Variants in MYT1 observed in about 807,000 individuals in gnomAD.
MYT1 encodes the protein myelin transcription factor I.
Under a neutral mutation model 123.0 loss-of-function variants are expected in MYT1, and 23 were observed. The ratio of observed to expected loss-of-function variants is 0.19; its 90% confidence interval spans 0.13 to 0.26. The LOEUF (loss-of-function observed/expected upper bound fraction) is 0.26, where lower values mean the gene tolerates loss of function less well. Among genes scored for constraint, MYT1 ranks in the 10% least tolerant of loss-of-function variants. The pLI is 1.00. For missense variants in MYT1, 1,125 were observed against 1,472.5 expected, an observed-to-expected ratio of 0.76 and a Z score of 3.86; for synonymous variants, 518 against 575.3, an observed-to-expected ratio of 0.90 and a Z score of 1.43.
chr20:64,215,146 A>G (rs1983798847), intron 10 of MYT1, among the ~76,000 whole-genome samples: 2 of 152,198 alleles, frequency 1.3e-5, no homozygotes, highest in South Asian at 4.1e-4. Context: ...TCAGTTGCTA[A>G]TTCAATCCTT....
At chr20:64,216,095 C>T (rs1983831745) in intron 10 of MYT1, among the ~76,000 whole-genome samples, 1 of 152,202 alleles carries the variant, frequency 6.6e-6, no homozygotes, top group Non-Finnish European at 1.5e-5. Flanking sequence ...GTCCTCTGTG[C>T]TGGGCTCTGT....
chr20:64,228,123 A>AATC, intron 18 of MYT1, 152 bp downstream of exon 18: 1 of 714,580 alleles, frequency 1.4e-6, no homozygotes. Flanking sequence ...TTTCATTTTT[A>AATC]TGGAAGCTCT....
Position 64,217,091 on chromosome 20 carries a change from C to G in MYT1, c.1656C>G (p.Leu552=). The stretch of plus-strand genomic sequence containing the variant: ...GGCCCATGTGCTTCGTGAAGCAGCT[C>G]GAGGTCCCTCCATATGGGAGCTACC... The part of the protein sequence containing the change: ...ILRPMCFVKQ[L]EVPPYGSYRP... The change falls in exon 11 of 23, where the codon CTC becomes CTG. Residue 552 remains leucine (L), a synonymous_variant. Transcript: ENST00000328439. 6.2e-7 allele frequency: 1 copy of G among 1,613,844 alleles called. No individual in the cohort carries two copies. Among genetic ancestry groups the G allele is most frequent in the Non-Finnish European group, 8.5e-7 (1 of 1,179,998 alleles).
chr20:64,200,018 C>A, intron 4 of MYT1, 96 bp downstream of exon 4: 2 of 1,437,268 alleles, frequency 1.4e-6, no homozygotes, highest in African/African-American at 2.8e-5. Context: ...TTGGATTGAC[C>A]AAACACCCCT....
In MYT1 at chr20:64,240,709, T is replaced by A; in HGVS notation, c.*261T>A. ...ATTTATTTTTGTTTTCTGAAAGAAA[T>A]CTGAAGAGCAGCTCAAAGTCTCCAG... On this transcript the variant is annotated 3_prime_UTR_variant, in exon 23 of 23. Transcript: ENST00000328439. The A allele has an allele frequency of 5.0e-6, 2 of 401,290 alleles. No homozygotes were observed. The highest frequency in any genetic ancestry group is 8.8e-6 in the Non-Finnish European group (2 of 226,076). 24.9% of individuals were successfully genotyped at this position (401,290 alleles called of 1,614,324 possible). A position where few individuals can be genotyped will look rare whatever the true frequency, so the allele number is the denominator to read the frequency against.
At chr20:64,221,337 G>A (rs944298463) in intron 13 of MYT1, among the ~76,000 whole-genome samples, 4 of 152,160 alleles carry the variant, frequency 2.6e-5, no homozygotes, top group Non-Finnish European at 4.4e-5. Context: ...CCACAGCTCT[G>A]AGCCTCCATA....
In MYT1 at chr20:64,202,515, G is replaced by A. The variant is rs900077076; in HGVS notation, c.87-2520G>A. ...ATCTCCAAGTTCAGAGAGAGAACAC[G>A]TCTGTAGCTCACCCTTCTTCTTCTG... On this transcript the variant is annotated intron_variant, in intron 4 of 22. Transcript: ENST00000328439. This position sits in a 1 kb window ranked among gnomAD's most constrained non-coding sequence, Gnocchi z 5.0. 3.3e-5 allele frequency among the ~76,000 whole-genome samples: 5 copies of A among 152,100 alleles called. No individual in the cohort carries two copies. Among genetic ancestry groups the A allele is most frequent in the Admixed American group, 6.5e-5 (1 of 15,276 alleles).
intron 3 of MYT1, among the ~76,000 whole-genome samples, chr20:64,199,444 A>T (rs1983223415): frequency 6.6e-6 from 1 of 152,170 alleles, no homozygotes; most frequent in African/African-American, 2.4e-5. Context: ...AGCCCCGTGC[A>T]TCTTGGCAGC....
At position 64,236,576 on chromosome 20, in the gene MYT1, A is replaced by G; in HGVS notation, c.2919A>G (p.Ala973=). 6.2e-7 allele frequency: 1 copy of G among 1,613,706 alleles called. No individual in the cohort carries two copies. The highest frequency in any genetic ancestry group is 2.2e-5 in the East Asian group (1 of 44,888). Residue 973 remains alanine, a synonymous_variant, in exon 20 of 23, where the codon GCA becomes GCG. Coordinates refer to ENST00000328439, the MANE Select transcript of MYT1 (RefSeq NM_004535.3). ...THRSLSGCPR[A]TFAGKKGKLS... ...CCAGTTTGTCAGGCTGTCCCAGAGC[A>G]ACCTTTGCTGGAAAGAAGGGAAAAC...
chr20:64,195,389 T>A (rs1983083812), intron 2 of MYT1, among the ~76,000 whole-genome samples: 3 of 102,544 alleles, frequency 2.9e-5, no homozygotes, highest in Non-Finnish European at 1.9e-5. Context: ...TGTGTGTGTG[T>A]GTGTGTGTAT....
intron 13 of MYT1, 109 bp downstream of exon 13, chr20:64,220,091 G>T: frequency 8.6e-6 from 12 of 1,391,608 alleles, no homozygotes; most frequent in Non-Finnish European, 1.1e-5. Context: ...CAGGCTTCTG[G>T]AAGAGCCTCG....
chr20:64,216,446 C>T (rs764362053), intron 10 of MYT1, among the ~76,000 whole-genome samples: 12 of 152,238 alleles, frequency 7.9e-5, no homozygotes, highest in Non-Finnish European at 1.5e-4. Flanking sequence ...GTAGCTTTTT[C>T]GTGGCTGTTG....
At chr20:64,187,830 G>C (rs544001601) in intron 1 of MYT1, among the ~76,000 whole-genome samples, 1 of 152,246 alleles carries the variant, frequency 6.6e-6, no homozygotes, top group Non-Finnish European at 1.5e-5. Context: ...GAGGGTCTAC[G>C]CTTGGGGGTT....
At position 64,192,644 on chromosome 20, in the gene MYT1, G is replaced by A. The variant is rs962891184; in HGVS notation, c.-1+2484G>A. On this transcript the variant is annotated intron_variant, in intron 2 of 22. Transcript: ENST00000328439. The surrounding 1 kb of genome is among the most constrained non-coding windows in gnomAD (Gnocchi z 5.3). ...GCCAGAAGTCAGGTGGTCGTGTGTCGGGGTATGCAGGAGCTGATGGTAGCT... is the reference window on the plus strand; with the variant it reads ...GCCAGAAGTCAGGTGGTCGTGTGTCAGGGTATGCAGGAGCTGATGGTAGCT... Among the ~76,000 whole-genome samples, 14 of 152,186 alleles carry A rather than the reference G, an allele frequency of 9.2e-5. No individual in the cohort carries two copies. The highest frequency in any genetic ancestry group is 2.9e-4 in the African/African-American group (12 of 41,456).
intron 1 of MYT1, among the ~76,000 whole-genome samples, chr20:64,165,775 C>T (rs971897075): frequency 1.3e-5 from 2 of 151,696 alleles, no homozygotes; most frequent in Non-Finnish European, 2.9e-5. Context: ...ATAATGGCAG[C>T]GATGATTATA....
rs1285119976 is a variant in MYT1 at position 64,232,113 on chromosome 20, TCTC to T, written c.2676-46_2676-44del. On this transcript the variant is annotated intron_variant, in intron 18 of 22. Coordinates refer to ENST00000328439, the MANE Select transcript of MYT1 (RefSeq NM_004535.3). This position sits in a 1 kb window ranked among gnomAD's most constrained non-coding sequence, Gnocchi z 6.9. ...TCTGGCTTGAGAGAGTCTCCAGGCTTCTCCTCCCAACCCTTCGCCCCTGTACTC... is the reference window on the plus strand; with the variant it reads ...TCTGGCTTGAGAGAGTCTCCAGGCTTCTCCCAACCCTTCGCCCCTGTACTC... The T allele has an allele frequency of 1.3e-6, 2 of 1,581,058 alleles. No homozygotes were observed. Among genetic ancestry groups the T allele is most frequent in the Admixed American group, 1.7e-5 (1 of 59,734 alleles).
At position 64,219,818 on chromosome 20, in the gene MYT1, C is replaced by G; in HGVS notation, c.2077C>G (p.Pro693Ala). The stretch of plus-strand genomic sequence containing the variant: ...CAGCAGCAGCAGCTGCAGCAGCAGC[C>G]CCGGTGTGAAGTCTCCCGACGCCTC... ...FPSSSSCSSS[P>A]GVKSPDASQR... Residue 693 changes from proline (P) to alanine (A), a missense_variant, in exon 13 of 23, where the codon CCC (proline) becomes GCC (alanine). Around this residue, in one of 4 missense-constraint regions of MYT1, gnomAD observed 429 missense variants for 604.1 expected, o/e 0.71. Coordinates refer to ENST00000328439, the MANE Select transcript of MYT1 (RefSeq NM_004535.3). 1 of 1,613,546 alleles carries G rather than the reference C, an allele frequency of 6.2e-7. No individual in the cohort carries two copies. Among genetic ancestry groups the G allele is most frequent in the Non-Finnish European group, 8.5e-7 (1 of 1,179,834 alleles).
At chr20:64,228,632 A>G (rs958647294) in intron 18 of MYT1, among the ~76,000 whole-genome samples, 3 of 152,088 alleles carry the variant, frequency 2.0e-5, no homozygotes, top group African/African-American at 7.2e-5. Flanking sequence ...GTGTTATCCT[A>G]CTTGGTGGGG....
chr20:64,236,669 C>T (rs1984561215), intron 20 of MYT1, 23 bp downstream of exon 20: 1 of 1,600,458 alleles, frequency 6.2e-7, no homozygotes, highest in Non-Finnish European at 8.6e-7. Context: ...TCCTGGATTT[C>T]CCTGCTCATG....
Sources: allele counts gnomAD v4.1 joint callset (sites outside exome capture counted in the v4.1 genomes callset), GRCh38; gene constraint gnomAD v4.1.1; regional missense constraint gnomAD v4.1.1; non-coding constraint Gnocchi (gnomAD v3.1); transcripts MANE v1.5; gene names NCBI Gene and HGNC (gene_info 2026-07-23, HGNC 2026-07-21).